The following EML4 variants were observed in gnomAD, a reference collection of about 807,000 sequenced individuals.
The protein encoded by EML4 is EMAP like 4.
Under a neutral mutation model 129.0 loss-of-function variants are expected in EML4, and 72 were observed. The observed-to-expected ratio is 0.56, with a 90% CI of 0.46 to 0.68. The LOEUF (loss-of-function observed/expected upper bound fraction) is 0.68, where lower values mean the gene tolerates loss of function less well. EML4 is among the 30% of genes least tolerant of loss of function. EML4 has a pLI of 0.00. For missense variants in EML4, 1,363 were observed against 1,190.6 expected (o/e 1.14, Z -2.13); for synonymous variants, 532 against 405.0 (o/e 1.31, Z -3.77).
At position 42,295,208 on chromosome 2, in the gene EML4, C is replaced by T; in HGVS notation, c.1302C>T (p.Phe434=). Reference sequence around the variant, plus strand: ...TTACATGCGGTAAATCTCATATTTTCTTCTGGACCTGGAGCGGCAATTCAC... The same window carrying T: ...TTACATGCGGTAAATCTCATATTTTTTTCTGGACCTGGAGCGGCAATTCAC... The part of the protein sequence containing the change: ...TIITCGKSHI[F]FWTWSGNSLT... Residue 434 remains phenylalanine, a synonymous_variant, in exon 12 of 23, where the codon TTC becomes TTT. Coordinates refer to ENST00000318522, the MANE Select transcript of EML4 (RefSeq NM_019063.5). The T allele has an allele frequency of 1.2e-6, 2 of 1,613,464 alleles. No homozygotes were observed. Among genetic ancestry groups the T allele is most frequent in the Non-Finnish European group, 1.7e-6 (2 of 1,179,876 alleles).
At chr2:42,242,711 C>CCTTTT (rs946260977) in intron 1 of EML4, among the ~76,000 whole-genome samples, 2 of 150,426 alleles carry the variant, frequency 1.3e-5, no homozygotes, top group African/African-American at 2.5e-5. Context: ...TCTTTTCTTT[C>CCTTTT]CTTTTCTTTT....
At chr2:42,226,999 G>A (rs1348738616) in intron 1 of EML4, among the ~76,000 whole-genome samples, 2 of 152,124 alleles carry the variant, frequency 1.3e-5, no homozygotes, top group African/African-American at 4.8e-5. Context: ...TCAACAAAGG[G>A]AATCCTCTCA....
chr2:42,286,758 C>T (rs1394536043), intron 10 of EML4, among the ~76,000 whole-genome samples: 1 of 152,152 alleles, frequency 6.6e-6, no homozygotes, highest in Non-Finnish European at 1.5e-5. Context: ...TTTAAAAATT[C>T]ACAGCAAACT....
intron 1 of EML4, among the ~76,000 whole-genome samples, chr2:42,173,022 C>G (rs1670366456): frequency 6.6e-6 from 1 of 152,094 alleles, no homozygotes; most frequent in African/African-American, 2.4e-5. Context: ...ATCTTCTTCC[C>G]CCTAAGAAAA....
At chr2:42,317,737 G>A (rs1224474540) in intron 19 of EML4, among the ~76,000 whole-genome samples, 2 of 152,158 alleles carry the variant, frequency 1.3e-5, no homozygotes, top group African/African-American at 4.8e-5. Flanking sequence ...TGTAATATTT[G>A]TCACTCTGTG....
intron 21 of EML4, among the ~76,000 whole-genome samples, chr2:42,328,540 C>T (rs1669931067): frequency 6.6e-6 from 1 of 152,184 alleles, no homozygotes; most frequent in Non-Finnish European, 1.5e-5. Context: ...CTGATTCCCT[C>T]CATCCAGAAA....
At chr2:42,299,316 T>C (rs1237715777) in intron 13 of EML4, among the ~76,000 whole-genome samples, 11 of 152,226 alleles carry the variant, frequency 7.2e-5, no homozygotes. Context: ...TTAGTCAATT[T>C]GTTAAGTATA....
At chr2:42,202,427 G>T (rs1672286949) in intron 1 of EML4, among the ~76,000 whole-genome samples, 1 of 152,096 alleles carries the variant, frequency 6.6e-6, no homozygotes, top group Admixed American at 6.6e-5. Flanking sequence ...GTATTAGTCA[G>T]TGTTCTCTAG....
At chr2:42,254,778 C>T (rs1676014083) in intron 2 of EML4, among the ~76,000 whole-genome samples, 1 of 152,040 alleles carries the variant, frequency 6.6e-6, no homozygotes, top group Non-Finnish European at 1.5e-5. Flanking sequence ...AGCAGTTCCG[C>T]TCCTAGGTAT....
intron 1 of EML4, among the ~76,000 whole-genome samples, chr2:42,239,248 A>G (rs1241127067): frequency 6.6e-6 from 1 of 152,198 alleles, no homozygotes; most frequent in Non-Finnish European, 1.5e-5. Context: ...AATCGGTAAA[A>G]TCCAAAGGTA....
At chr2:42,282,545 C>T (rs1252151595) in intron 7 of EML4, among the ~76,000 whole-genome samples, 2 of 152,026 alleles carry the variant, frequency 1.3e-5, no homozygotes, top group Non-Finnish European at 2.9e-5. Context: ...AGGCACAGGC[C>T]ACCATGCCTG....
At chr2:42,179,356 C>T (rs945287861) in intron 1 of EML4, among the ~76,000 whole-genome samples, 4 of 150,984 alleles carry the variant, frequency 2.6e-5, no homozygotes, top group African/African-American at 9.8e-5. Flanking sequence ...AAATGAACTA[C>T]CTGATTTTAG....
At position 42,233,246 on chromosome 2, in the gene EML4, G is replaced by A. The variant is rs566665607; in HGVS notation, c.26-12259G>A. 6.6e-5 allele frequency among the ~76,000 whole-genome samples: 10 copies of A among 151,732 alleles called. No individual in the cohort carries two copies. In the East Asian group the frequency reaches 1.7e-3, roughly 26 times the overall value. On this transcript the variant is annotated intron_variant, in intron 1 of 22. Coordinates refer to ENST00000318522, the MANE Select transcript of EML4 (RefSeq NM_019063.5). ...TTTTGAGTTGGTTTAAATTTATAAA[G>A]TGCAAATGTAAAGCTTAAAAGCAAC...
chr2:42,239,835 C>G (rs185684860), intron 1 of EML4, among the ~76,000 whole-genome samples: 225 of 152,022 alleles, frequency 1.5e-3, no homozygotes, highest in African/African-American at 5.3e-3. Flanking sequence ...GTTAATAGCC[C>G]TCAGAAAATA....
intron 1 of EML4, among the ~76,000 whole-genome samples, chr2:42,211,343 C>G (rs1672874607): frequency 6.6e-6 from 1 of 152,134 alleles, no homozygotes; most frequent in African/African-American, 2.4e-5. Flanking sequence ...AAAGGAAGAA[C>G]TTCTTAGAGG....
At chr2:42,246,559 A>T (rs2104306271) in intron 2 of EML4, among the ~76,000 whole-genome samples, 1 of 152,342 alleles carries the variant, frequency 6.6e-6, no homozygotes, top group East Asian at 1.9e-4. Flanking sequence ...CAGATTTAGA[A>T]GAAAGATTGT....
At chr2:42,181,145 C>T (rs1572837028) in intron 1 of EML4, among the ~76,000 whole-genome samples, 2 of 152,148 alleles carry the variant, frequency 1.3e-5, no homozygotes, top group South Asian at 4.1e-4. Flanking sequence ...TTAGTAATTG[C>T]AAAATTATTT....
rs1558536271 is a variant in EML4, at chr2:42,245,695, T to A, written c.208+8T>A. The A allele has an allele frequency of 1.3e-6, 2 of 1,579,470 alleles. No individual in the cohort carries two copies. Among genetic ancestry groups the A allele is most frequent in the Non-Finnish European group, 1.7e-6 (2 of 1,165,796 alleles). On this transcript the variant is annotated splice_region_variant and intron_variant, in intron 2 of 22. Transcript: ENST00000318522. ...AATCAGTCTCAAGTAAAGGTAATTG[T>A]GTTGTAAAGTTAAAAAGAGTCTTGC...
chr2:42,206,379 G>T (rs1243179989), intron 1 of EML4, among the ~76,000 whole-genome samples: 3 of 152,066 alleles, frequency 2.0e-5, no homozygotes, highest in Admixed American at 2.0e-4. Flanking sequence ...GTATCCAGCT[G>T]AATTTTGAAT....
Sources: allele counts gnomAD v4.1 joint callset (sites outside exome capture counted in the v4.1 genomes callset), GRCh38; gene constraint gnomAD v4.1.1; transcripts MANE v1.5; gene names NCBI Gene and HGNC (gene_info 2026-07-23, HGNC 2026-07-21).